The following PARD3 variants were observed in gnomAD, a reference collection of about 807,000 sequenced individuals.
PARD3 encodes par-3 family cell polarity regulator.
Under a neutral mutation model 155.4 loss-of-function variants are expected in PARD3, and 75 were observed. The ratio of observed to expected loss-of-function variants is 0.48; its 90% confidence interval spans 0.40 to 0.58. The LOEUF (loss-of-function observed/expected upper bound fraction) is 0.58. Among genes scored for constraint, PARD3 ranks in the 20% least tolerant of loss-of-function variants. The pLI, the probability that PARD3 is intolerant of heterozygous loss-of-function variation, is 0.00. For synonymous variants in PARD3, 576 were observed against 610.5 expected, an observed-to-expected ratio of 0.94 and a Z score of 0.83; for missense variants, 1,642 against 1,721.7, an observed-to-expected ratio of 0.95 and a Z score of 0.82.
chr10:34,745,735 G>A (rs1358888277), intron 1 of PARD3, among the ~76,000 whole-genome samples: 1 of 152,032 alleles, frequency 6.6e-6, no homozygotes, highest in East Asian at 1.9e-4. Context: ...ATGCTGCAGT[G>A]AGCCCTGAGC....
chr10:34,552,084 C>T (rs1564836345), intron 2 of PARD3, among the ~76,000 whole-genome samples: 1 of 152,106 alleles, frequency 6.6e-6, no homozygotes, highest in Non-Finnish European at 1.5e-5. Context: ...CCACTCAGTG[C>T]TTCAAAAAAT....
At chr10:34,135,624 A>G (rs1235476863) in intron 22 of PARD3, among the ~76,000 whole-genome samples, 11 of 152,200 alleles carry the variant, frequency 7.2e-5, no homozygotes, top group Admixed American at 3.9e-4. Flanking sequence ...AGGAGCAATG[A>G]GCCTATCTGC....
In PARD3 at chr10:34,355,945, A is replaced by AAAAAC. The variant is rs1564622624; in HGVS notation, c.2067+3201_2067+3202insGTTTT. Among the ~76,000 whole-genome samples the AAAAAC allele has an allele frequency of 1.1e-4, 14 of 124,254 alleles. No individual in the cohort carries two copies. In the South Asian group the frequency reaches 2.9e-3, roughly 25 times the overall value. The allele number at this position is 124,254 out of a possible 152,430, so 81.5% of individuals were successfully genotyped here. On this transcript the variant is annotated intron_variant, in intron 14 of 24. Transcript: ENST00000374788. ...GTCTCAAAAAAAAAAAAAAAAAAAA[A>AAAAAC]ACAAAACAAAACCAAACAAAAAAAC... is the stretch of plus-strand genomic sequence containing the variant.
intron 20 of PARD3, among the ~76,000 whole-genome samples, chr10:34,299,177 C>A (rs1443572441): frequency 6.6e-6 from 1 of 152,184 alleles, no homozygotes; most frequent in Non-Finnish European, 1.5e-5. Flanking sequence ...CGAGGAGGAG[C>A]CCAGTGCCTC....
chr10:34,651,010 T>TTAAAAA (rs2092994493), intron 2 of PARD3, among the ~76,000 whole-genome samples: 2 of 31,790 alleles, frequency 6.3e-5, no homozygotes, highest in South Asian at 3.4e-3. Flanking sequence ...AAACTCTGTC[T>TTAAAAA]CAAAAAAAAA....
intron 1 of PARD3, among the ~76,000 whole-genome samples, chr10:34,773,764 T>G (rs1199831329): frequency 6.6e-6 from 1 of 152,196 alleles, no homozygotes; most frequent in Non-Finnish European, 1.5e-5. Context: ...ATTGCCCACT[T>G]GGGTCCTTTG....
intron 2 of PARD3, among the ~76,000 whole-genome samples, chr10:34,547,653 A>AGT (rs377009643): frequency 4.6e-5 from 7 of 152,326 alleles, no homozygotes; most frequent in African/African-American, 1.7e-4. Context: ...GTTATCACTG[A>AGT]GTGCGCTTTC....
chr10:34,368,120 C>T (rs1218140772), intron 12 of PARD3, among the ~76,000 whole-genome samples: 2 of 151,806 alleles, frequency 1.3e-5, no homozygotes, highest in African/African-American at 4.8e-5. Flanking sequence ...CTTGGTGGCG[C>T]ATGCCTGTAA....
intron 20 of PARD3, among the ~76,000 whole-genome samples, chr10:34,290,184 A>G (rs1210691323): frequency 4.6e-5 from 7 of 152,368 alleles, no homozygotes; most frequent in Middle Eastern, 3.4e-3. Context: ...AAATAAAAAT[A>G]CAATTAATTT....
chr10:34,501,844 G>A (rs920563216), intron 3 of PARD3, among the ~76,000 whole-genome samples: 2 of 152,128 alleles, frequency 1.3e-5, no homozygotes, highest in Admixed American at 6.6e-5. Flanking sequence ...TACCCTAGTG[G>A]TATGGAATGA....
chr10:34,665,874 A>AC (rs1564479777), intron 2 of PARD3, among the ~76,000 whole-genome samples: 93 of 150,556 alleles, frequency 6.2e-4, no homozygotes, highest in African/African-American at 2.2e-3. Context: ...ACAGAACAGA[A>AC]CAGAACAGAA....
chr10:34,674,796 G>A (rs1309521425), intron 2 of PARD3, among the ~76,000 whole-genome samples: 2 of 151,960 alleles, frequency 1.3e-5, no homozygotes, highest in East Asian at 3.9e-4. Context: ...CCTCACTCTT[G>A]AATTCTTTCC....
At chr10:34,513,815 G>A (rs759703875) in intron 3 of PARD3, among the ~76,000 whole-genome samples, 7 of 152,102 alleles carry the variant, frequency 4.6e-5, no homozygotes, top group Non-Finnish European at 7.4e-5. Flanking sequence ...CTCTGATGTC[G>A]GATTGTCCTG....
chr10:34,186,673 C>T (rs572151164), intron 22 of PARD3, among the ~76,000 whole-genome samples: 1 of 152,238 alleles, frequency 6.6e-6, no homozygotes, highest in Non-Finnish European at 1.5e-5. Context: ...CAGTGGCAAC[C>T]TCAAAAGGCC....
intron 2 of PARD3, among the ~76,000 whole-genome samples, chr10:34,567,929 G>A (rs139830986): frequency 2.0e-5 from 3 of 152,314 alleles, no homozygotes; most frequent in East Asian, 1.9e-4. Flanking sequence ...TACGAGGAAC[G>A]TGTCCTTGTA....
intron 20 of PARD3, among the ~76,000 whole-genome samples, chr10:34,289,686 CA>C (rs1956581357): frequency 6.6e-6 from 1 of 152,174 alleles, no homozygotes; most frequent in Non-Finnish European, 1.5e-5. Flanking sequence ...CTGTCTTATT[CA>C]GAGCAGAATT....
intron 2 of PARD3, among the ~76,000 whole-genome samples, chr10:34,599,282 G>C (rs1177202064): frequency 2.0e-5 from 3 of 152,112 alleles, no homozygotes; most frequent in Non-Finnish European, 4.4e-5. Flanking sequence ...AGACACATGA[G>C]GGTTAAACAA....
intron 3 of PARD3, 21 bp from the exon 4 acceptor site, chr10:34,470,284 T>A: frequency 6.6e-7 from 1 of 1,525,972 alleles, no homozygotes; most frequent in South Asian, 1.3e-5. Context: ...AAAAGCACTA[T>A]GCTGAAAAAT....
At chr10:34,226,643 C>CCA (rs1189137596) in intron 22 of PARD3, among the ~76,000 whole-genome samples, 1 of 152,170 alleles carries the variant, frequency 6.6e-6, no homozygotes, top group African/African-American at 2.4e-5. Context: ...AATGATTCAG[C>CCA]CACTTTGAAA....
Sources: allele counts gnomAD v4.1 joint callset (sites outside exome capture counted in the v4.1 genomes callset), GRCh38; gene constraint gnomAD v4.1.1; transcripts MANE v1.5; gene names NCBI Gene and HGNC (gene_info 2026-07-23, HGNC 2026-07-21).